PEMT: variants seen among roughly 807,000 people sequenced by gnomAD.
The protein encoded by PEMT is phospholipid methyltransferase.
Under a neutral mutation model 27.4 loss-of-function variants are expected in PEMT, and 23 were observed. The ratio of observed to expected loss-of-function variants is 0.84; its 90% confidence interval spans 0.60 to 1.19. The LOEUF is 1.19. Ranked by LOEUF, PEMT falls within the 50% of genes most tolerant of loss-of-function variation. The probability of loss-of-function intolerance (pLI) is 0.00; values close to 1 mark genes in which losing one functional copy is unlikely to be tolerated. For synonymous variants in PEMT, 137 were observed against 139.1 expected (o/e 0.98, Z 0.11); for missense variants, 307 against 310.1 (o/e 0.99, Z 0.07).
At chr17:17,555,700 A>T (rs113977568) in intron 2 of PEMT, among the ~76,000 whole-genome samples, 2,309 of 152,234 alleles carry the variant, frequency 0.015, 50 homozygotes, top group African/African-American at 0.053. Context: ...ATCCACCCAG[A>T]CCACTAAAGC....
At chr17:17,507,056 C>A in intron 5 of PEMT, 1 of 1,027,252 alleles carries the variant, frequency 9.7e-7, no homozygotes, top group Non-Finnish European at 1.5e-6. Context: ...CCCGCCACAC[C>A]AGTAAGCAGC....
At chr17:17,547,322 C>G (rs1156578710) in intron 2 of PEMT, among the ~76,000 whole-genome samples, 1 of 152,244 alleles carries the variant, frequency 6.6e-6, no homozygotes, top group Non-Finnish European at 1.5e-5. Context: ...AAGTGCCAGG[C>G]CCTGGGGCAC....
intron 1 of PEMT, among the ~76,000 whole-genome samples, chr17:17,590,365 G>A (rs1912529863): frequency 6.6e-6 from 1 of 152,170 alleles, no homozygotes; most frequent in Admixed American, 6.5e-5. Context: ...CCCTCCTCTG[G>A]GGAATCTTGC....
At chr17:17,528,336 G>A (rs1907844358) in intron 2 of PEMT, among the ~76,000 whole-genome samples, 2 of 152,198 alleles carry the variant, frequency 1.3e-5, no homozygotes, top group Admixed American at 6.5e-5. Context: ...CTGCCTTGCG[G>A]CTCCGGCAAG....
At chr17:17,563,980 T>A (rs977264360) in intron 2 of PEMT, among the ~76,000 whole-genome samples, 3 of 152,158 alleles carry the variant, frequency 2.0e-5, no homozygotes, top group Non-Finnish European at 2.9e-5. Context: ...GCAGCTTTAA[T>A]TCTCTAGAGC....
chr17:17,586,166 AAAAG>A (rs760906223), intron 1 of PEMT, among the ~76,000 whole-genome samples: 45 of 150,006 alleles, frequency 3.0e-4, no homozygotes, highest in South Asian at 6.3e-4. Context: ...AAGAAAGAGA[AAAAG>A]AAAGAAAGAA....
In PEMT at chr17:17,523,392, GAT is replaced by G. The variant is rs1819962226; in HGVS notation, c.205-999_205-998del. ...CAGTTGCGGCAGGAGAGTGATTAGC[GAT>G]GATTTCCTCAAGGCCACTGACTCCC... is the stretch of plus-strand genomic sequence containing the variant. On this transcript the variant is annotated intron_variant, in intron 2 of 6. Coordinates refer to ENST00000255389, the MANE Select transcript of PEMT (RefSeq NM_148172.3). This position sits in a 1 kb window ranked among gnomAD's most constrained non-coding sequence, Gnocchi z 4.8. Among the ~76,000 whole-genome samples the G allele has an allele frequency of 6.6e-6, 1 of 152,218 alleles. No homozygotes were observed. The highest frequency in any genetic ancestry group is 1.5e-5 in the Non-Finnish European group (1 of 68,040).
intron 2 of PEMT, 44 bp from the exon 3 acceptor site, chr17:17,522,439 G>C: frequency 1.7e-6 from 2 of 1,209,598 alleles, no homozygotes; most frequent in Non-Finnish European, 2.4e-6. Context: ...TTCCTGGGGA[G>C]ACTCCAGGGT....
At position 17,523,004 on chromosome 17, in the gene PEMT, T is replaced by G. The variant is rs971113617; in HGVS notation, c.205-609A>C. 6.6e-6 allele frequency among the ~76,000 whole-genome samples: 1 copy of G among 152,240 alleles called. No individual in the cohort carries two copies. The highest frequency in any genetic ancestry group is 1.5e-5 in the Non-Finnish European group (1 of 68,034). ...CTCAGAATCCTTTTACTTTGTTTTT[T>G]TTCAAACTAATCACATCTGGAATCT... is the stretch of plus-strand genomic sequence containing the variant. On this transcript the variant is annotated intron_variant, in intron 2 of 6. Coordinates refer to ENST00000255389, the MANE Select transcript of PEMT (RefSeq NM_148172.3). The surrounding 1 kb of genome is among the most constrained non-coding windows in gnomAD (Gnocchi z 4.8).
chr17:17,549,881 C>G (rs377569705), intron 2 of PEMT, among the ~76,000 whole-genome samples: 1 of 152,346 alleles, frequency 6.6e-6, no homozygotes, highest in East Asian at 1.9e-4. Context: ...TGTACCTGCA[C>G]ACACATTCAG....
At chr17:17,527,168 G>A (rs1907730580) in intron 2 of PEMT, among the ~76,000 whole-genome samples, 1 of 152,186 alleles carries the variant, frequency 6.6e-6, no homozygotes, top group South Asian at 2.1e-4. Flanking sequence ...CTCCCGAGTA[G>A]CTGGGATTAC....
At chr17:17,577,099 A>T in intron 1 of PEMT, 72 bp from the exon 2 acceptor site, 1 of 1,161,950 alleles carries the variant, frequency 8.6e-7, no homozygotes, top group Non-Finnish European at 1.3e-6. Flanking sequence ...AGTCGGAGAA[A>T]AAGTTACCCT....
In PEMT at chr17:17,561,836, G is replaced by A. The variant is rs546350140; in HGVS notation, c.204+15084C>T. 2.0e-5 allele frequency among the ~76,000 whole-genome samples: 3 copies of A among 152,334 alleles called. No individual in the cohort carries two copies. The highest frequency in any genetic ancestry group is 2.1e-4 in the South Asian group (1 of 4,824). On this transcript the variant is annotated intron_variant, in intron 2 of 6. Transcript: ENST00000255389. The surrounding 1 kb of genome is among the most constrained non-coding windows in gnomAD (Gnocchi z 4.5). ...TACCACTTCCACGTGGCTACCTCAC[G>A]CGGACGCCCCACGTGCGGCCTGACC...
At chr17:17,550,048 T>G (rs187361979) in intron 2 of PEMT, among the ~76,000 whole-genome samples, 2 of 152,312 alleles carry the variant, frequency 1.3e-5, no homozygotes, top group East Asian at 3.9e-4. Context: ...AGACTGTCCC[T>G]GAAAACAGTT....
intron 2 of PEMT, among the ~76,000 whole-genome samples, chr17:17,533,394 T>C (rs76219957): frequency 0.062 from 9,377 of 152,224 alleles, 386 homozygotes; most frequent in East Asian, 0.14. Context: ...GAAGAAAACA[T>C]AGGTATAAAT....
At chr17:17,538,962 A>G (rs1908690917) in intron 2 of PEMT, among the ~76,000 whole-genome samples, 1 of 152,224 alleles carries the variant, frequency 6.6e-6, no homozygotes, top group African/African-American at 2.4e-5. Context: ...TATCACCATC[A>G]TCAACGCCCA....
chr17:17,573,020 C>A (rs1014793344), intron 2 of PEMT, among the ~76,000 whole-genome samples: 1 of 151,744 alleles, frequency 6.6e-6, no homozygotes, highest in African/African-American at 2.4e-5. Flanking sequence ...GAAACCCTGT[C>A]TCTACTAAAA....
rs1912032090 is a variant in PEMT, at chr17:17,582,515, C to G, written c.97-5488G>C. ...TGGACAGGCAAAGTCACATCGATTCCAGGCCACACACCACACACAACAAAG... is the reference window on the plus strand; with the variant it reads ...TGGACAGGCAAAGTCACATCGATTCGAGGCCACACACCACACACAACAAAG... On this transcript the variant is annotated intron_variant, in intron 1 of 6. Transcript: ENST00000255389. The surrounding 1 kb of genome is among the most constrained non-coding windows in gnomAD (Gnocchi z 4.9). The G allele has an allele frequency of 1.5e-6, 1 of 684,196 alleles. No individual in the cohort carries two copies. The highest frequency in any genetic ancestry group is 1.8e-6 in the Non-Finnish European group (1 of 554,802). The allele number at this position is 684,196 out of a possible 1,614,324, so 42.4% of individuals were successfully genotyped here. A position where few individuals can be genotyped will look rare whatever the true frequency, so the allele number is the denominator to read the frequency against.
chr17:17,591,173 G>A (rs1403785903), intron 1 of PEMT, among the ~76,000 whole-genome samples: 3 of 152,064 alleles, frequency 2.0e-5, no homozygotes, highest in Admixed American at 6.6e-5. Flanking sequence ...CTCACTCTCC[G>A]GCACACTCTC....
Sources: gnomAD v4.1 joint callset for allele counts (sites outside exome capture counted in the v4.1 genomes callset) on GRCh38, gnomAD v4.1.1 for gene constraint, Gnocchi (gnomAD v3.1) non-coding constraint, MANE v1.5 for transcripts, NCBI Gene and HGNC (gene_info 2026-07-23, HGNC 2026-07-21) for gene names.